The following LRP6 variants were observed in gnomAD, a reference collection of about 807,000 sequenced individuals.
LRP6 encodes the protein low-density lipoprotein receptor-related protein 6.
In LRP6, 43 loss-of-function variants were observed where a neutral mutation model predicts 184.1. The observed-to-expected ratio is 0.23, with a 90% CI of 0.18 to 0.30. The LOEUF is 0.30. LRP6 is among the 10% of genes least tolerant of loss of function. The pLI is 1.00. For missense variants in LRP6, 1,571 were observed against 2,005.3 expected (o/e 0.78, Z 4.14); for synonymous variants, 719 against 684.9 (o/e 1.05, Z -0.78).
intron 3 of LRP6, among the ~76,000 whole-genome samples, chr12:12,200,593 T>G (rs534311910): frequency 6.6e-6 from 1 of 152,216 alleles, no homozygotes; most frequent in East Asian, 1.9e-4. Context: ...CCCCTCTGCA[T>G]ACTGCTCCTG....
Position 12,198,131 on chromosome 12 carries a change from A to G in LRP6, c.647+5072T>C, listed in dbSNP as rs972365993. 3.9e-5 allele frequency among the ~76,000 whole-genome samples: 6 copies of G among 152,206 alleles called. No homozygotes were observed. In the East Asian group the frequency reaches 9.7e-4, roughly 25 times the overall value. ...GCAGGGTTTCACCATGTTGGCCAGG[A>G]TGGTCTCACTCCTGACTTCAGGCGA... is the stretch of plus-strand genomic sequence containing the variant. On this transcript the variant is annotated intron_variant, in intron 3 of 22. Coordinates refer to ENST00000261349, the MANE Select transcript of LRP6 (RefSeq NM_002336.3).
chr12:12,176,957 C>T (rs1863202557), intron 7 of LRP6, among the ~76,000 whole-genome samples: 1 of 151,362 alleles, frequency 6.6e-6, no homozygotes, highest in Non-Finnish European at 1.5e-5. Context: ...AAGTGATTCT[C>T]CTGCCTCAGC....
At chr12:12,229,370 CAAAAAA>C (rs375650917) in intron 2 of LRP6, among the ~76,000 whole-genome samples, 7 of 61,390 alleles carry the variant, frequency 1.1e-4, no homozygotes, top group Admixed American at 1.9e-4. Context: ...AACTCCATTT[CAAAAAA>C]AAAAAAAAAA....
rs373638128 is a variant in LRP6 at position 12,162,178 on chromosome 12, T to G, written c.2279+15A>C. 6 of 1,606,388 alleles carry G rather than the reference T, an allele frequency of 3.7e-6. No individual in the cohort carries two copies. In the South Asian group the frequency reaches 6.6e-5, roughly 18 times the overall value. On this transcript the variant is annotated intron_variant, in intron 10 of 22. Coordinates refer to ENST00000261349, the MANE Select transcript of LRP6 (RefSeq NM_002336.3). ...ACACTGCAGTTGCAAAGAATGCACA[T>G]GTAAAGCTGTTTACCCTTCGGCAGG...
intron 15 of LRP6, chr12:12,138,921 C>T (rs752337794): frequency 7.3e-6 from 10 of 1,369,156 alleles, no homozygotes; most frequent in Non-Finnish European, 6.8e-6. Flanking sequence ...AACAGCTTCA[C>T]TCTCACCCCA....
chr12:12,258,852 G>T (rs550379764), intron 1 of LRP6, among the ~76,000 whole-genome samples: 3 of 152,134 alleles, frequency 2.0e-5, no homozygotes, highest in Admixed American at 6.5e-5. Flanking sequence ...TGTAGTTTGG[G>T]TCTTGTAGTG....
At chr12:12,176,470 T>C (rs1863186266) in intron 7 of LRP6, among the ~76,000 whole-genome samples, 1 of 152,206 alleles carries the variant, frequency 6.6e-6, no homozygotes, top group South Asian at 2.1e-4. Context: ...AGCAATGCCC[T>C]ACGCTCAATC....
At chr12:12,265,616 G>A (rs995375142) in intron 1 of LRP6, among the ~76,000 whole-genome samples, 1 of 152,206 alleles carries the variant, frequency 6.6e-6, no homozygotes, top group Admixed American at 6.5e-5. Context: ...ATGAACGCCA[G>A]TAAGAACTTT....
intron 2 of LRP6, among the ~76,000 whole-genome samples, chr12:12,218,225 C>A (rs546835882): frequency 1.3e-5 from 2 of 152,106 alleles, no homozygotes; most frequent in African/African-American, 2.4e-5. Flanking sequence ...ATAGTCCCAG[C>A]GACTGGGGAG....
At chr12:12,204,660 T>C (rs1195852149) in intron 2 of LRP6, among the ~76,000 whole-genome samples, 2 of 152,148 alleles carry the variant, frequency 1.3e-5, no homozygotes, top group Non-Finnish European at 2.9e-5. Flanking sequence ...CGGTGGCTCA[T>C]GCCTGTAATC....
intron 2 of LRP6, among the ~76,000 whole-genome samples, chr12:12,231,112 C>T (rs1043380452): frequency 4.1e-5 from 5 of 121,400 alleles, no homozygotes; most frequent in African/African-American, 6.2e-5. Flanking sequence ...ACCTGGGTGG[C>T]GGAGGTTGCA....
intron 2 of LRP6, among the ~76,000 whole-genome samples, chr12:12,214,438 A>T (rs531577161): frequency 3.9e-5 from 6 of 152,334 alleles, no homozygotes; most frequent in Non-Finnish European, 8.8e-5. Flanking sequence ...CTAAAAACCC[A>T]TTCTTCAGAT....
At chr12:12,211,262 C>A (rs995664521) in intron 2 of LRP6, among the ~76,000 whole-genome samples, 5 of 152,118 alleles carry the variant, frequency 3.3e-5, no homozygotes, top group Non-Finnish European at 7.4e-5. Context: ...TGGTGAAACC[C>A]CAAACCCCAA....
intron 1 of LRP6, among the ~76,000 whole-genome samples, chr12:12,266,261 G>C (rs1865756134): frequency 6.6e-6 from 1 of 152,176 alleles, no homozygotes; most frequent in Non-Finnish European, 1.5e-5. Context: ...GGTGGGGAGT[G>C]GGTGGCGGGG....
At chr12:12,147,902 G>A (rs1447846984) in intron 14 of LRP6, among the ~76,000 whole-genome samples, 1 of 151,918 alleles carries the variant, frequency 6.6e-6, no homozygotes, top group African/African-American at 2.4e-5. Context: ...TTGAGCCCAG[G>A]AGGCAGAGGT....
intron 19 of LRP6, among the ~76,000 whole-genome samples, chr12:12,128,002 C>T (rs894777928): frequency 6.6e-6 from 1 of 152,072 alleles, no homozygotes; most frequent in Non-Finnish European, 1.5e-5. Flanking sequence ...CCTTTTTAGT[C>T]CCCTAACATT....
chr12:12,256,963 T>C (rs1865480320), intron 1 of LRP6, among the ~76,000 whole-genome samples: 1 of 152,102 alleles, frequency 6.6e-6, no homozygotes, highest in Non-Finnish European at 1.5e-5. Flanking sequence ...TACTGACACA[T>C]GCAACATGAA....
intron 2 of LRP6, among the ~76,000 whole-genome samples, chr12:12,240,140 C>G (rs1316427608): frequency 6.6e-6 from 1 of 152,084 alleles, no homozygotes; most frequent in Non-Finnish European, 1.5e-5. Flanking sequence ...CCAGATTTCC[C>G]GAAAAGATCA....
intron 5 of LRP6, 144 bp downstream of exon 5, chr12:12,183,836 A>G (rs1245161845): frequency 1.4e-6 from 1 of 694,676 alleles, no homozygotes; most frequent in Non-Finnish European, 2.5e-6. Context: ...AAACACTCCT[A>G]TTCTATAACC....
Sources: allele counts gnomAD v4.1 joint callset (sites outside exome capture counted in the v4.1 genomes callset), GRCh38; gene constraint gnomAD v4.1.1; transcripts MANE v1.5; gene names NCBI Gene and HGNC (gene_info 2026-07-23, HGNC 2026-07-21).